The following SLC13A4 variants were observed in gnomAD, a reference collection of about 807,000 sequenced individuals.
SLC13A4 encodes Na(+)/sulfate cotransporter SUT-1.
In SLC13A4, 28 loss-of-function variants were observed where a neutral mutation model predicts 72.7. The observed-to-expected ratio is 0.39, with a 90% CI of 0.29 to 0.53. SLC13A4 has a LOEUF of 0.53. Ranked by LOEUF, SLC13A4 falls within the 20% of genes least tolerant of loss-of-function variation. SLC13A4 has a pLI of 0.78. For missense variants in SLC13A4, 653 were observed against 788.0 expected (o/e 0.83, Z 2.05); for synonymous variants, 312 against 325.5 (o/e 0.96, Z 0.45).
chr7:135,709,430 A>ATTT (rs760725826), intron 2 of SLC13A4, among the ~76,000 whole-genome samples: 4 of 105,760 alleles, frequency 3.8e-5, no homozygotes, highest in Admixed American at 8.9e-5. Flanking sequence ...TTTTTTAAAA[A>ATTT]AAAATTTGAG....
chr7:135,692,172 C>G, intron 11 of SLC13A4, 151 bp downstream of exon 11: 1 of 672,270 alleles, frequency 1.5e-6, no homozygotes. Flanking sequence ...TTTTTCCTTC[C>G]TGATTTCACA....
At chr7:135,685,995 T>G (rs1002625686) in intron 13 of SLC13A4, among the ~76,000 whole-genome samples, 1 of 152,238 alleles carries the variant, frequency 6.6e-6, no homozygotes, top group Non-Finnish European at 1.5e-5. Flanking sequence ...AGATCTTTGC[T>G]CCTCAACTTC....
chr7:135,721,370 G>T, intron 2 of SLC13A4, 25 bp downstream of exon 2: 1 of 1,612,942 alleles, frequency 6.2e-7, no homozygotes, highest in Non-Finnish European at 8.5e-7. Flanking sequence ...ACCCAGGCAG[G>T]GGGTGGGGCT....
At chr7:135,682,214 C>T (rs1012414126) in intron 15 of SLC13A4, among the ~76,000 whole-genome samples, 1 of 152,176 alleles carries the variant, frequency 6.6e-6, no homozygotes, top group Non-Finnish European at 1.5e-5. Flanking sequence ...CTGCTCAGCT[C>T]TTCCTCAAGA....
At position 135,725,062 on chromosome 7, in the gene SLC13A4, A is replaced by G. The variant is rs74419218; in HGVS notation, c.99+2336T>C. On this transcript the variant is annotated intron_variant, in intron 1 of 15. Transcript: ENST00000682651. ...AACCCCCAGGCTCTTTAACAACACC[A>G]CTGGTTCCTTATAATAGCAGGTATG... Among the ~76,000 whole-genome samples, 11 of 152,206 alleles carry G rather than the reference A, an allele frequency of 7.2e-5. No individual in the cohort carries two copies. The East Asian group carries it at 2.1e-3, about 29-fold the overall frequency.
chr7:135,706,376 A>G (rs1363277990), intron 3 of SLC13A4, 76 bp from the exon 4 acceptor site: 1 of 1,465,376 alleles, frequency 6.8e-7, no homozygotes, highest in African/African-American at 1.4e-5. Flanking sequence ...GCCTCCTACC[A>G]ACCTGCTGGG....
At chr7:135,717,431 G>T (rs936633595) in intron 2 of SLC13A4, among the ~76,000 whole-genome samples, 1 of 152,134 alleles carries the variant, frequency 6.6e-6, no homozygotes, top group East Asian at 1.9e-4. Context: ...TATTTATCTA[G>T]AACATCCCCT....
chr7:135,702,704 G>A, intron 6 of SLC13A4, 141 bp downstream of exon 6: 1 of 755,078 alleles, frequency 1.3e-6, no homozygotes, highest in Non-Finnish European at 2.3e-6. Flanking sequence ...ATAACATTTT[G>A]TCAATGGAAT....
intron 12 of SLC13A4, 94 bp from the exon 13 acceptor site, chr7:135,691,419 C>T (rs1299357799): frequency 1.4e-6 from 2 of 1,383,264 alleles, no homozygotes; most frequent in Non-Finnish European, 2.0e-6. Context: ...ATTTGGGATA[C>T]TGCTATTTGG....
chr7:135,701,847 C>A, intron 6 of SLC13A4, 87 bp from the exon 7 acceptor site: 3 of 1,286,854 alleles, frequency 2.3e-6, no homozygotes, highest in Non-Finnish European at 3.3e-6. Context: ...ATCCCAGGGC[C>A]ACCCCATGCC....
intron 2 of SLC13A4, 88 bp downstream of exon 2, chr7:135,721,307 G>A (rs1454649360): frequency 6.6e-7 from 1 of 1,517,904 alleles, no homozygotes; most frequent in East Asian, 2.3e-5. Context: ...TCATCGTCAA[G>A]TGCTGGGTGA....
At chr7:135,691,700 C>T in intron 11 of SLC13A4, 55 bp from the exon 12 acceptor site, 1 of 1,249,652 alleles carries the variant, frequency 8.0e-7, no homozygotes, top group South Asian at 1.2e-5. Context: ...TCAGGAGTAA[C>T]ATGATGTCTC....
Position 135,727,500 on chromosome 7 carries a change from G to C in SLC13A4, c.-4C>G, listed in dbSNP as rs1162665388. On this transcript the variant is annotated 5_prime_UTR_variant, in exon 1 of 16. Coordinates refer to ENST00000682651, the MANE Select transcript of SLC13A4 (RefSeq NM_001318192.2). Reference sequence around the variant, plus strand: ...GCAGGCCCTGCAGCAGGCCCATCGCGCCTCTGTCCTCTCCAGCTCGTCCTT... The same window carrying C: ...GCAGGCCCTGCAGCAGGCCCATCGCCCCTCTGTCCTCTCCAGCTCGTCCTT... The C allele has an allele frequency of 6.5e-7, 1 of 1,549,284 alleles. No individual in the cohort carries two copies. The highest frequency in any genetic ancestry group is 1.2e-5 in the South Asian group (1 of 83,950).
At chr7:135,721,328 A>T (rs1357266489) in intron 2 of SLC13A4, 67 bp downstream of exon 2, 2 of 1,584,172 alleles carry the variant, frequency 1.3e-6, no homozygotes, top group African/African-American at 2.7e-5. Context: ...ATCTCCCTTC[A>T]TTGGAGGCTC....
chr7:135,699,480 A>C lies in SLC13A4; in HGVS notation c.783T>G (p.His261Gln). ...QKLNRKYRSHHDQMICKCLSL... is the reference protein window; with the variant it reads ...QKLNRKYRSHQDQMICKCLSL... ...AGAGGCACTTGCAGATCATCTGGTC[A>C]TGGTGGGACCTGTACTTTCTGTTCA... The change falls in exon 8 of 16, where the codon CAT (histidine) becomes CAG (glutamine). Residue 261 changes from histidine (H) to glutamine (Q), a missense_variant. Physicochemically the swap from His to Gln is conservative, Grantham distance 24. Coordinates refer to ENST00000682651, the MANE Select transcript of SLC13A4 (RefSeq NM_001318192.2). 2 of 1,613,168 alleles carry C rather than the reference A, an allele frequency of 1.2e-6. No homozygotes were observed. The highest frequency in any genetic ancestry group is 1.7e-6 in the Non-Finnish European group (2 of 1,179,604).
At chr7:135,716,509 C>T (rs1184431857) in intron 2 of SLC13A4, among the ~76,000 whole-genome samples, 1 of 152,166 alleles carries the variant, frequency 6.6e-6, no homozygotes, top group East Asian at 1.9e-4. Flanking sequence ...AGATGGGTTT[C>T]ACCATGCTGG....
Position 135,727,594 on chromosome 7 carries a change from CCTTT to C in SLC13A4, c.-102_-99del. On this transcript the variant is annotated 5_prime_UTR_variant, in exon 1 of 16. Transcript: ENST00000682651. ...TCTCTATCCAGAAAGACTTCTTAAA[CCTTT>C]CTTGGCTTCCGAGAGTCCTCCTTCG... 2 of 1,404,642 alleles carry C rather than the reference CCTTT, an allele frequency of 1.4e-6. No individual in the cohort carries two copies. Among genetic ancestry groups the C allele is most frequent in the Non-Finnish European group, 1.9e-6 (2 of 1,055,158 alleles). 87.0% of individuals were successfully genotyped at this position (1,404,642 alleles called of 1,614,324 possible).
At chr7:135,726,968 C>T (rs1796674488) in intron 1 of SLC13A4, among the ~76,000 whole-genome samples, 1 of 152,210 alleles carries the variant, frequency 6.6e-6, no homozygotes. Context: ...CCAACCTTCT[C>T]CTCAGTGCCA....
rs765041687 is a variant in SLC13A4, at chr7:135,681,666, A to C, written c.1781T>G (p.Leu594Arg). The change falls in exon 16 of 16, where the codon CTG (leucine) becomes CGG (arginine). Residue 594 changes from leucine (L) to arginine (R), a missense_variant. Transcript: ENST00000682651. Reference protein sequence around the residue: ...KAGLGVNVIGLVIVMVAINTW... With the variant: ...KAGLGVNVIGRVIVMVAINTW... ...GTTGATGGCCACCATTACTATCACCAGTCCAATAACGTTGACTCCCAGGCC... is the reference window on the plus strand; with the variant it reads ...GTTGATGGCCACCATTACTATCACCCGTCCAATAACGTTGACTCCCAGGCC... 6.2e-7 allele frequency: 1 copy of C among 1,614,008 alleles called. No individual in the cohort carries two copies. The highest frequency in any genetic ancestry group is 1.7e-5 in the Admixed American group (1 of 60,016).
Sources: allele counts gnomAD v4.1 joint callset (sites outside exome capture counted in the v4.1 genomes callset), GRCh38; gene constraint gnomAD v4.1.1; transcripts MANE v1.5; gene names NCBI Gene and HGNC (gene_info 2026-07-23, HGNC 2026-07-21).